PRKCI: variants seen among roughly 807,000 people sequenced by gnomAD.
PRKCI encodes protein kinase C iota type.
A neutral mutation model predicts 84.0 loss-of-function variants in PRKCI; 43 were observed. The observed-to-expected ratio is 0.51, with a 90% confidence interval of 0.40 to 0.66. The LOEUF is 0.66. Ranked by LOEUF, PRKCI falls within the 30% of genes least tolerant of loss-of-function variation. The pLI, the probability that PRKCI is intolerant of heterozygous loss-of-function variation, is 0.00. For missense variants in PRKCI, 459 were observed against 745.6 expected (o/e 0.62, Z 4.48); for synonymous variants, 216 against 234.4 (o/e 0.92, Z 0.72).
intron 1 of PRKCI, among the ~76,000 whole-genome samples, chr3:170,223,309 G>T (rs1253028431): frequency 6.6e-6 from 1 of 152,214 alleles, no homozygotes; most frequent in African/African-American, 2.4e-5. Context: ...CATAGGGGTT[G>T]TATTTAAGAA....
chr3:170,282,321 A>G (rs1734268218), intron 11 of PRKCI, among the ~76,000 whole-genome samples: 1 of 152,136 alleles, frequency 6.6e-6, no homozygotes, highest in African/African-American at 2.4e-5. Context: ...ATAAACACTT[A>G]TTAGTCTTTT....
chr3:170,297,211 G>T (rs995365735), intron 15 of PRKCI, 93 bp from the exon 16 acceptor site: 1 of 963,106 alleles, frequency 1.0e-6, no homozygotes, highest in African/African-American at 1.6e-5. Flanking sequence ...AGAAATAAGA[G>T]TATCATGTGA....
intron 14 of PRKCI, among the ~76,000 whole-genome samples, chr3:170,294,224 G>C (rs576805672): frequency 1.3e-5 from 2 of 152,198 alleles, no homozygotes; most frequent in East Asian, 3.9e-4. Flanking sequence ...GATGATGAGT[G>C]ATCAAAAGAT....
chr3:170,246,474 TG>T (rs1404170517), intron 2 of PRKCI, among the ~76,000 whole-genome samples: 2 of 151,836 alleles, frequency 1.3e-5, no homozygotes, highest in Non-Finnish European at 2.9e-5. Flanking sequence ...TTTTATTTTT[TG>T]TAGAGACAGA....
intron 8 of PRKCI, among the ~76,000 whole-genome samples, chr3:170,278,296 C>A (rs939094570): frequency 4.6e-5 from 7 of 152,206 alleles, no homozygotes; most frequent in African/African-American, 1.4e-4. Flanking sequence ...TCTTAACCTT[C>A]TCAAACCTGG....
chr3:170,259,571 G>A (rs1733672574), intron 2 of PRKCI, among the ~76,000 whole-genome samples: 1 of 152,160 alleles, frequency 6.6e-6, no homozygotes, highest in Non-Finnish European at 1.5e-5. Context: ...CACTTTGGGA[G>A]GCCGAGGCAG....
chr3:170,253,766 G>C (rs2108845658), intron 2 of PRKCI, among the ~76,000 whole-genome samples: 1 of 152,066 alleles, frequency 6.6e-6, no homozygotes, highest in East Asian at 1.9e-4. Flanking sequence ...ACTCCAGCCT[G>C]GGCGACAGAG....
chr3:170,246,487 T>C (rs1733289796), intron 2 of PRKCI, among the ~76,000 whole-genome samples: 2 of 151,736 alleles, frequency 1.3e-5, no homozygotes, highest in Admixed American at 6.6e-5. Flanking sequence ...AGAGACAGAG[T>C]CTTGCTATGT....
chr3:170,295,459 A>G (rs1477519850), intron 14 of PRKCI, among the ~76,000 whole-genome samples: 1 of 151,444 alleles, frequency 6.6e-6, no homozygotes, highest in African/African-American at 2.4e-5. Context: ...ACTTACCTTC[A>G]TGAGGTCAGG....
At chr3:170,296,022 T>A (rs749050771) in intron 15 of PRKCI, 32 bp downstream of exon 15, 2 of 1,328,550 alleles carry the variant, frequency 1.5e-6, no homozygotes, top group South Asian at 3.2e-5. Context: ...ATTTTGTGAT[T>A]TGTCTCTTTC....
At chr3:170,238,241 T>C (rs1032055108) in intron 2 of PRKCI, among the ~76,000 whole-genome samples, 1 of 151,736 alleles carries the variant, frequency 6.6e-6, no homozygotes, top group African/African-American at 2.4e-5. Context: ...CGGGTGCCTG[T>C]AATCCCAGCT....
intron 2 of PRKCI, among the ~76,000 whole-genome samples, chr3:170,255,512 C>T (rs902412998): frequency 1.4e-4 from 22 of 152,250 alleles, no homozygotes; most frequent in Admixed American, 5.9e-4. Flanking sequence ...TCATATCCTT[C>T]GACTTTACTG....
intron 11 of PRKCI, among the ~76,000 whole-genome samples, chr3:170,282,509 C>T (rs896956839): frequency 4.0e-5 from 6 of 151,476 alleles, no homozygotes; most frequent in Non-Finnish European, 8.8e-5. Context: ...CCAGCCTGGC[C>T]AACATGGTGA....
At chr3:170,300,683 ATTTTT>A (rs201572419) in intron 17 of PRKCI, among the ~76,000 whole-genome samples, 2 of 138,336 alleles carry the variant, frequency 1.4e-5, no homozygotes, top group Non-Finnish European at 1.6e-5. Flanking sequence ...ATTGTCTTGA[ATTTTT>A]TTTTTTTTTT....
intron 2 of PRKCI, among the ~76,000 whole-genome samples, chr3:170,246,144 A>G (rs1232567162): frequency 6.7e-6 from 1 of 149,950 alleles, no homozygotes; most frequent in African/African-American, 2.5e-5. Flanking sequence ...TTTCTTTTTG[A>G]GACAGAGTCT....
At chr3:170,233,236 T>TTTTTTTTTTTTATTTTTTTTTTTTTTG (rs1553835331) in intron 1 of PRKCI, among the ~76,000 whole-genome samples, 1 of 150,224 alleles carries the variant, frequency 6.7e-6, no homozygotes, top group African/African-American at 2.5e-5. Context: ...GGTTTATTTT[T>TTTTTTTTTTTTATTTTTTTTTTTTTTG]AAAAGCAATT....
chr3:170,281,552 A>G, intron 10 of PRKCI: 2 of 399,274 alleles, frequency 5.0e-6, no homozygotes, highest in Non-Finnish European at 8.8e-6. Flanking sequence ...ATGACTTAAA[A>G]TTTTCTAGCA....
chr3:170,269,102 A>G (rs1365767048), intron 5 of PRKCI, among the ~76,000 whole-genome samples: 4 of 152,034 alleles, frequency 2.6e-5, no homozygotes, highest in Admixed American at 2.6e-4. Flanking sequence ...TTTAGTAGAG[A>G]TGGAGTTATA....
chr3:170,283,491 TTTTG>T (rs1734303301), intron 11 of PRKCI, among the ~76,000 whole-genome samples: 1 of 152,186 alleles, frequency 6.6e-6, no homozygotes, highest in Non-Finnish European at 1.5e-5. Flanking sequence ...AACCTGGGTT[TTTTG>T]TTTATTTGGG....
Sources: gnomAD v4.1 joint callset for allele counts (sites outside exome capture counted in the v4.1 genomes callset) on GRCh38, gnomAD v4.1.1 for gene constraint, MANE v1.5 for transcripts, NCBI Gene and HGNC (gene_info 2026-07-23, HGNC 2026-07-21) for gene names.